The following MRPL48 variants were observed in gnomAD, a reference collection of about 807,000 sequenced individuals.
MRPL48 encodes large ribosomal subunit protein mL48.
In MRPL48, 16 loss-of-function variants were observed where a neutral mutation model predicts 32.9. The observed-to-expected ratio is 0.49, with a 90% CI of 0.33 to 0.74. MRPL48 has a LOEUF of 0.74. Among genes scored for constraint, MRPL48 ranks in the 30% least tolerant of loss-of-function variants. MRPL48 has a pLI of 0.02. For missense variants in MRPL48, 206 were observed against 245.3 expected, an observed-to-expected ratio of 0.84 and a Z score of 1.07; for synonymous variants, 94 against 89.2, an observed-to-expected ratio of 1.05 and a Z score of -0.31.
At chr11:73,801,558 A>G (rs1947364571) in intron 1 of MRPL48, among the ~76,000 whole-genome samples, 1 of 152,036 alleles carries the variant, frequency 6.6e-6, no homozygotes, top group Admixed American at 6.6e-5. Context: ...CCCAATCTTC[A>G]TGGTTTTACA....
At position 73,864,479 on chromosome 11, in the gene MRPL48, A is replaced by C; in HGVS notation, c.*109A>C. 9.2e-7 allele frequency: 1 copy of C among 1,087,860 alleles called. No individual in the cohort carries two copies. Among genetic ancestry groups the C allele is most frequent in the South Asian group, 1.4e-5 (1 of 73,522 alleles). 67.4% of individuals were successfully genotyped at this position (1,087,860 alleles called of 1,614,324 possible). On this transcript the variant is annotated 3_prime_UTR_variant, in exon 8 of 8. Coordinates refer to ENST00000310614, the MANE Select transcript of MRPL48 (RefSeq NM_016055.6). ...GACCCAACCCTTAGATTTCATAAGTACCCATTCCCATAGCCAGTAATGTCC... is the reference window on the plus strand; with the variant it reads ...GACCCAACCCTTAGATTTCATAAGTCCCCATTCCCATAGCCAGTAATGTCC...
chr11:73,792,110 G>T (rs1021825925), intron 1 of MRPL48, among the ~76,000 whole-genome samples: 1 of 152,128 alleles, frequency 6.6e-6, no homozygotes, highest in African/African-American at 2.4e-5. Context: ...AATAAAACTG[G>T]ATAGAGCCAG....
intron 1 of MRPL48, chr11:73,789,403 T>C (rs948279597): frequency 1.3e-5 from 2 of 152,252 alleles, no homozygotes; most frequent in Non-Finnish European, 2.9e-5. Context: ...GACATGGGTA[T>C]ATAAGGCCTC....
At chr11:73,852,124 T>G (rs1444264723) in intron 5 of MRPL48, among the ~76,000 whole-genome samples, 4 of 152,214 alleles carry the variant, frequency 2.6e-5, no homozygotes. Context: ...ACATTAATAC[T>G]TGGTTTCCTT....
At chr11:73,829,291 G>A (rs1163849861) in intron 4 of MRPL48, among the ~76,000 whole-genome samples, 1 of 152,062 alleles carries the variant, frequency 6.6e-6, no homozygotes, top group Non-Finnish European at 1.5e-5. Context: ...GGTGAGGAGG[G>A]ACACAGACAA....
intron 3 of MRPL48, chr11:73,823,160 A>C (rs912941311): frequency 3.6e-6 from 1 of 276,740 alleles, no homozygotes; most frequent in African/African-American, 2.3e-5. Flanking sequence ...GAATCATCCC[A>C]AAACCACTTC....
At chr11:73,857,045 C>T (rs951053660) in intron 5 of MRPL48, among the ~76,000 whole-genome samples, 37 of 152,124 alleles carry the variant, frequency 2.4e-4, no homozygotes, top group Admixed American at 2.1e-3. Flanking sequence ...TCGGCACATA[C>T]CTATTATTGC....
intron 2 of MRPL48, among the ~76,000 whole-genome samples, chr11:73,805,453 T>C (rs1022257514): frequency 2.0e-5 from 3 of 151,656 alleles, no homozygotes; most frequent in African/African-American, 7.3e-5. Context: ...CCTGCCACCA[T>C]GCCCAGCTAA....
At chr11:73,844,702 T>A in intron 4 of MRPL48, 105 bp from the exon 5 acceptor site, 1 of 1,343,566 alleles carries the variant, frequency 7.4e-7, no homozygotes, top group Non-Finnish European at 1.0e-6. Flanking sequence ...GAGCAAAATG[T>A]GAACAAATTT....
At chr11:73,805,548 G>A (rs1947433876) in intron 2 of MRPL48, among the ~76,000 whole-genome samples, 1 of 151,654 alleles carries the variant, frequency 6.6e-6, no homozygotes, top group Admixed American at 6.6e-5. Context: ...TGCCTGCCTC[G>A]GCCTCCCAAA....
Position 73,827,661 on chromosome 11 carries a change from C to G in MRPL48, c.201+1865C>G, listed in dbSNP as rs1013141370. Among the ~76,000 whole-genome samples the G allele has an allele frequency of 2.6e-5, 4 of 152,132 alleles. No individual in the cohort carries two copies. The South Asian group carries it at 8.3e-4, about 31-fold the overall frequency. On this transcript the variant is annotated intron_variant, in intron 4 of 7. Transcript: ENST00000310614. ...TGGTTCTTTAGCTTATTTTAATGCTCCCACGCAACCACACATATTTCCTAT... is the reference window on the plus strand; with the variant it reads ...TGGTTCTTTAGCTTATTTTAATGCTGCCACGCAACCACACATATTTCCTAT...
intron 1 of MRPL48, among the ~76,000 whole-genome samples, chr11:73,796,782 G>A (rs1249455575): frequency 6.6e-6 from 1 of 152,120 alleles, no homozygotes; most frequent in East Asian, 1.9e-4. Context: ...AAAAACTTTG[G>A]GTCTGGGTGT....
chr11:73,854,773 G>A (rs539710163), intron 5 of MRPL48, among the ~76,000 whole-genome samples: 1 of 152,314 alleles, frequency 6.6e-6, no homozygotes, highest in South Asian at 2.1e-4. Context: ...CTGCATTTGA[G>A]TGAAAGCAGG....
intron 4 of MRPL48, among the ~76,000 whole-genome samples, chr11:73,840,949 C>G (rs1253386619): frequency 1.3e-5 from 2 of 152,020 alleles, no homozygotes; most frequent in Non-Finnish European, 2.9e-5. Context: ...GGCAGACAAC[C>G]CAGTTTTTAA....
intron 5 of MRPL48, among the ~76,000 whole-genome samples, chr11:73,852,806 T>C (rs2135072379): frequency 6.6e-6 from 1 of 152,328 alleles, no homozygotes; most frequent in South Asian, 2.1e-4. Context: ...CCCGTATTTA[T>C]TGCAGCACTA....
intron 1 of MRPL48, among the ~76,000 whole-genome samples, chr11:73,795,578 C>T (rs1282377322): frequency 1.3e-5 from 2 of 151,840 alleles, no homozygotes; most frequent in Admixed American, 6.6e-5. Context: ...GCGATCTCCG[C>T]TCACTGCAAG....
At position 73,864,603 on chromosome 11, in the gene MRPL48, G is replaced by GTA; in HGVS notation, c.*237_*238dup. 1 of 557,042 alleles carries GTA rather than the reference G, an allele frequency of 1.8e-6. No homozygotes were observed. 34.5% of individuals were successfully genotyped at this position (557,042 alleles called of 1,614,324 possible). ...TCTAATAAAAATCTGCTGCAGATGT[G>GTA]TATATGTATGTGTGTGTGAGAGAGA... On this transcript the variant is annotated 3_prime_UTR_variant, in exon 8 of 8. Coordinates refer to ENST00000310614, the MANE Select transcript of MRPL48 (RefSeq NM_016055.6).
rs1235625930 is a variant in MRPL48 at position 73,790,691 on chromosome 11, TA to T, written c.21+2701del. Among the ~76,000 whole-genome samples the T allele has an allele frequency of 7.2e-5, 11 of 151,762 alleles. No homozygotes were observed. In the East Asian group the frequency reaches 2.1e-3, roughly 30 times the overall value. Reference sequence around the variant, plus strand: ...GAGCAACCGTGCCTGGCCGCTCAGCTAATTTTTTTATTTTTAGTAGAGATGG... The same window carrying T: ...GAGCAACCGTGCCTGGCCGCTCAGCTATTTTTTTATTTTTAGTAGAGATGG... On this transcript the variant is annotated intron_variant, in intron 1 of 7. Transcript: ENST00000310614.
At chr11:73,848,311 C>G (rs2135061685) in intron 5 of MRPL48, among the ~76,000 whole-genome samples, 1 of 152,148 alleles carries the variant, frequency 6.6e-6, no homozygotes, top group South Asian at 2.1e-4. Context: ...TTTCTCTGCT[C>G]TATTCTGTTA....
Sources: allele counts gnomAD v4.1 joint callset (sites outside exome capture counted in the v4.1 genomes callset), GRCh38; gene constraint gnomAD v4.1.1; transcripts MANE v1.5; gene names NCBI Gene and HGNC (gene_info 2026-07-23, HGNC 2026-07-21).